GPC6: variants seen among roughly 807,000 people sequenced by gnomAD.
The protein encoded by GPC6 is glypican 6.
In GPC6, 14 loss-of-function variants were observed where a neutral mutation model predicts 55.2. That is an observed-to-expected ratio of 0.25 (90% CI 0.17 to 0.40). The LOEUF (loss-of-function observed/expected upper bound fraction) is 0.40, where lower values mean the gene tolerates loss of function less well. GPC6 is among the 10% of genes least tolerant of loss of function. The pLI, the probability that GPC6 is intolerant of heterozygous loss-of-function variation, is 1.00. For missense variants in GPC6, 641 were observed against 708.5 expected (o/e 0.90, Z 1.08); for synonymous variants, 278 against 259.6 (o/e 1.07, Z -0.68).
intron 2 of GPC6, among the ~76,000 whole-genome samples, chr13:93,562,134 T>C (rs527403946): frequency 1.8e-4 from 28 of 152,104 alleles, no homozygotes; most frequent in African/African-American, 6.7e-4. Flanking sequence ...TAAGCCATAG[T>C]TTGTGATGGA....
chr13:93,583,364 G>A (rs181374435), intron 2 of GPC6, among the ~76,000 whole-genome samples: 3 of 150,666 alleles, frequency 2.0e-5, no homozygotes, highest in South Asian at 2.1e-4. Context: ...GCGCGCGCGC[G>A]TGCGTATGTG....
At chr13:93,398,407 A>T (rs1404693063) in intron 1 of GPC6, among the ~76,000 whole-genome samples, 1 of 152,166 alleles carries the variant, frequency 6.6e-6, no homozygotes, top group African/African-American at 2.4e-5. Context: ...CATATGCTAC[A>T]AACTCCACTT....
chr13:93,393,624 G>T (rs1019445815), intron 1 of GPC6, among the ~76,000 whole-genome samples: 2 of 141,564 alleles, frequency 1.4e-5, no homozygotes, highest in African/African-American at 4.9e-5. Context: ...TAAGGACTTA[G>T]ACCTGTTCTC....
intron 1 of GPC6, among the ~76,000 whole-genome samples, chr13:93,301,821 G>C (rs778834916): frequency 2.0e-5 from 3 of 152,072 alleles, no homozygotes; most frequent in Non-Finnish European, 2.9e-5. Context: ...TTGTCCAGCT[G>C]GGATCCAACA....
Position 94,403,157 on chromosome 13 carries a change from C to T in GPC6, c.1608C>T (p.His536=). ...ACTCTTCTGCAGCCCAGCGTGGCCA[C>T]TCCCTGCTCTCCTGGTCTCTCACCT... ...EVDSSAAQRG[H]SLLSWSLTCI... Residue 536 remains histidine (H), a synonymous_variant, in exon 9 of 9, where the codon CAC becomes CAT. Coordinates refer to ENST00000377047, the MANE Select transcript of GPC6 (RefSeq NM_005708.5). The T allele has an allele frequency of 6.2e-7, 1 of 1,614,054 alleles. No individual in the cohort carries two copies. The highest frequency in any genetic ancestry group is 8.5e-7 in the Non-Finnish European group (1 of 1,179,896).
chr13:93,682,776 A>C (rs2138768146), intron 2 of GPC6, among the ~76,000 whole-genome samples: 1 of 149,426 alleles, frequency 6.7e-6, no homozygotes, highest in Non-Finnish European at 1.5e-5. Flanking sequence ...GGGAGGCTGG[A>C]GCTGGCAGAC....
At chr13:94,338,942 C>T (rs1877872755) in intron 6 of GPC6, among the ~76,000 whole-genome samples, 1 of 152,154 alleles carries the variant, frequency 6.6e-6, no homozygotes, top group Non-Finnish European at 1.5e-5. Flanking sequence ...GGAGTGAGGC[C>T]ATGATCTCTG....
chr13:93,560,985 A>C (rs1224738886), intron 2 of GPC6, among the ~76,000 whole-genome samples: 1 of 152,180 alleles, frequency 6.6e-6, no homozygotes, highest in Admixed American at 6.5e-5. Flanking sequence ...CAAGAAAAAT[A>C]ACATTGTTGT....
intron 4 of GPC6, among the ~76,000 whole-genome samples, chr13:94,266,160 T>TTTTC (rs1555313268): frequency 6.8e-6 from 1 of 148,114 alleles, no homozygotes; most frequent in Admixed American, 6.7e-5. Context: ...TCTTTTTTTT[T>TTTTC]TTTGTTTGTT....
At chr13:94,027,464 C>T (rs537096845) in intron 3 of GPC6, among the ~76,000 whole-genome samples, 1 of 152,180 alleles carries the variant, frequency 6.6e-6, no homozygotes, top group East Asian at 1.9e-4. Context: ...TGCATTATCT[C>T]ATTCCATCTT....
intron 4 of GPC6, among the ~76,000 whole-genome samples, chr13:94,088,874 G>A (rs1389830753): frequency 6.6e-6 from 1 of 152,060 alleles, no homozygotes; most frequent in Non-Finnish European, 1.5e-5. Flanking sequence ...ACTTGATTAG[G>A]TATTAAGCAT....
intron 4 of GPC6, among the ~76,000 whole-genome samples, chr13:94,183,147 A>C (rs998641778): frequency 5.9e-5 from 9 of 152,338 alleles, no homozygotes; most frequent in Middle Eastern, 3.4e-3. Context: ...CATTACCTCT[A>C]TCTGTTCCAA....
At chr13:94,019,124 TAAG>T (rs922205482) in intron 3 of GPC6, among the ~76,000 whole-genome samples, 3 of 152,252 alleles carry the variant, frequency 2.0e-5, no homozygotes, top group African/African-American at 7.2e-5. Flanking sequence ...TGGAAGAGTT[TAAG>T]AAGGATTTTT....
chr13:93,603,083 C>T (rs1175167612), intron 2 of GPC6, among the ~76,000 whole-genome samples: 1 of 152,008 alleles, frequency 6.6e-6, no homozygotes, highest in African/African-American at 2.4e-5. Context: ...CATCACAGCT[C>T]ACTGTAGCCT....
intron 3 of GPC6, among the ~76,000 whole-genome samples, chr13:93,854,656 T>C (rs1416226972): frequency 6.6e-6 from 1 of 151,810 alleles, no homozygotes; most frequent in East Asian, 1.9e-4. Flanking sequence ...AATAACGTTT[T>C]AATTATTGAC....
At chr13:94,259,807 G>T (rs1258558215) in intron 4 of GPC6, among the ~76,000 whole-genome samples, 1 of 152,024 alleles carries the variant, frequency 6.6e-6, no homozygotes, top group Non-Finnish European at 1.5e-5. Flanking sequence ...ATGTTCTCAA[G>T]GTTCATTCAT....
In GPC6 at chr13:94,011,601, T is replaced by C. The variant is rs77757000; in HGVS notation, c.712-16128T>C. 4.6e-3 allele frequency among the ~76,000 whole-genome samples: 703 copies of C among 152,258 alleles called. 6 individuals carry two copies. The highest frequency in any genetic ancestry group is 0.016 in the African/African-American group (682 of 41,556). ...GGAATATGTTTACTTAAGATAAAAATAACAGAAACATTTAATCAGTCAAGA... is the reference window on the plus strand; with the variant it reads ...GGAATATGTTTACTTAAGATAAAAACAACAGAAACATTTAATCAGTCAAGA... On this transcript the variant is annotated intron_variant, in intron 3 of 8. Coordinates refer to ENST00000377047, the MANE Select transcript of GPC6 (RefSeq NM_005708.5).
chr13:94,350,893 A>C (rs1878506469), intron 6 of GPC6, among the ~76,000 whole-genome samples: 1 of 152,180 alleles, frequency 6.6e-6, no homozygotes, highest in African/African-American at 2.4e-5. Flanking sequence ...AGAGGGAAAG[A>C]GAGGCACAGT....
intron 1 of GPC6, among the ~76,000 whole-genome samples, chr13:93,525,617 G>T (rs899959963): frequency 6.6e-6 from 1 of 151,986 alleles, no homozygotes; most frequent in African/African-American, 2.4e-5. Context: ...ACTAATTTTT[G>T]ATTTGTTCAG....
Sources: gnomAD v4.1 joint callset for allele counts (sites outside exome capture counted in the v4.1 genomes callset) on GRCh38, gnomAD v4.1.1 for gene constraint, MANE v1.5 for transcripts, NCBI Gene and HGNC (gene_info 2026-07-23, HGNC 2026-07-21) for gene names.